The following NXPH1 variants were observed in gnomAD, a reference collection of about 807,000 sequenced individuals.
The protein encoded by NXPH1 is neurexophilin 1, also known as neurexophilin-1.
Under a neutral mutation model 23.7 loss-of-function variants are expected in NXPH1, and 5 were observed. The ratio of observed to expected loss-of-function variants is 0.21; its 90% confidence interval spans 0.11 to 0.44. NXPH1 has a LOEUF of 0.44. Among genes scored for constraint, NXPH1 ranks in the 20% least tolerant of loss-of-function variants. The pLI is 0.99. For synonymous variants in NXPH1, 144 were observed against 122.2 expected (o/e 1.18, Z -1.18); for missense variants, 324 against 321.6 (o/e 1.01, Z -0.06).
chr7:8,523,397 T>C (rs899014260), intron 2 of NXPH1, among the ~76,000 whole-genome samples: 4 of 152,226 alleles, frequency 2.6e-5, no homozygotes, highest in African/African-American at 9.6e-5. Context: ...TTTTCTTCTC[T>C]CATGATTGTA....
intron 2 of NXPH1, among the ~76,000 whole-genome samples, chr7:8,530,519 T>C (rs185184905): frequency 9.1e-4 from 139 of 152,270 alleles, no homozygotes; most frequent in African/African-American, 3.1e-3. Flanking sequence ...TCTTGGAGTA[T>C]AAAAATCAGA....
rs1391516488 is a variant in NXPH1 at position 8,435,434 on chromosome 7, C to A, written c.-110-170C>A. On this transcript the variant is annotated intron_variant, in intron 1 of 2. Transcript: ENST00000405863. This position sits in a 1 kb window ranked among gnomAD's most constrained non-coding sequence, Gnocchi z 5.9. ...CGCCCGCCTCCCCAGCTGCGGACCG[C>A]GCGCTTGCTGGTCTCAGGCGCTGGA... 5.8e-6 allele frequency: 3 copies of A among 517,034 alleles called. No homozygotes were observed. The highest frequency in any genetic ancestry group is 2.2e-5 in the South Asian group (1 of 45,056). The allele number at this position is 517,034 out of a possible 1,614,324, so 32.0% of individuals were successfully genotyped here.
chr7:8,687,577 C>G (rs1821167095), intron 2 of NXPH1, among the ~76,000 whole-genome samples: 1 of 152,064 alleles, frequency 6.6e-6, no homozygotes, highest in African/African-American at 2.4e-5. Flanking sequence ...TGCATGGGTA[C>G]AAAATCAGAA....
intron 2 of NXPH1, among the ~76,000 whole-genome samples, chr7:8,560,895 A>G (rs1257988462): frequency 6.6e-6 from 1 of 151,658 alleles, no homozygotes; most frequent in East Asian, 2.0e-4. Context: ...ACACATTGTT[A>G]TTCATAACAC....
chr7:8,537,748 C>A (rs1818050463), intron 2 of NXPH1, among the ~76,000 whole-genome samples: 1 of 151,950 alleles, frequency 6.6e-6, no homozygotes, highest in Non-Finnish European at 1.5e-5. Flanking sequence ...TCAGCTTCTT[C>A]ATCTGAAAGA....
intron 2 of NXPH1, among the ~76,000 whole-genome samples, chr7:8,443,507 G>T (rs1341287791): frequency 6.6e-6 from 1 of 152,268 alleles, no homozygotes; most frequent in Non-Finnish European, 1.5e-5. Context: ...TTCCCCCGGC[G>T]AGGAACACGG....
intron 2 of NXPH1, among the ~76,000 whole-genome samples, chr7:8,663,918 A>T (rs572846796): frequency 2.6e-5 from 4 of 152,028 alleles, no homozygotes; most frequent in Non-Finnish European, 5.9e-5. Flanking sequence ...TTTTTACTGG[A>T]TTTAGAACGC....
intron 2 of NXPH1, among the ~76,000 whole-genome samples, chr7:8,682,533 A>G (rs912621130): frequency 7.9e-5 from 12 of 152,228 alleles, no homozygotes; most frequent in Non-Finnish European, 1.0e-4. Context: ...TATAAAGGTC[A>G]TACAAATAAG....
intron 2 of NXPH1, among the ~76,000 whole-genome samples, chr7:8,627,244 C>T (rs952572565): frequency 4.3e-4 from 65 of 151,912 alleles, no homozygotes; most frequent in African/African-American, 1.5e-3. Context: ...TGCATGACCT[C>T]GGGCAAGGTA....
At chr7:8,527,375 C>T (rs1346017271) in intron 2 of NXPH1, among the ~76,000 whole-genome samples, 2 of 152,124 alleles carry the variant, frequency 1.3e-5, no homozygotes, top group Admixed American at 6.5e-5. Flanking sequence ...GCTCAGATGG[C>T]CTCTAAATTG....
chr7:8,544,471 C>T (rs1439010816), intron 2 of NXPH1, among the ~76,000 whole-genome samples: 1 of 151,584 alleles, frequency 6.6e-6, no homozygotes, highest in Non-Finnish European at 1.5e-5. Flanking sequence ...TCTTGAAAGA[C>T]TCATAAAGAA....
chr7:8,667,869 T>C (rs1004953379), intron 2 of NXPH1, among the ~76,000 whole-genome samples: 1 of 152,054 alleles, frequency 6.6e-6, no homozygotes, highest in Non-Finnish European at 1.5e-5. Context: ...TATTTATTCC[T>C]TTTCATCCTC....
At chr7:8,450,829 G>A (rs150221938) in intron 2 of NXPH1, among the ~76,000 whole-genome samples, 2,601 of 152,280 alleles carry the variant, frequency 0.017, 41 homozygotes, top group Middle Eastern at 0.068. Flanking sequence ...ACCCATCATT[G>A]GCTCAATAGA....
intron 2 of NXPH1, among the ~76,000 whole-genome samples, chr7:8,609,114 A>C (rs1819562759): frequency 6.6e-6 from 1 of 152,150 alleles, no homozygotes; most frequent in African/African-American, 2.4e-5. Flanking sequence ...TATTGTGTGC[A>C]TAATTCATAT....
chr7:8,448,303 G>C (rs912617045), intron 2 of NXPH1, among the ~76,000 whole-genome samples: 31 of 152,160 alleles, frequency 2.0e-4, no homozygotes, highest in African/African-American at 7.0e-4. Flanking sequence ...AAAGAAAAAA[G>C]TCTTGCTAAC....
intron 2 of NXPH1, among the ~76,000 whole-genome samples, chr7:8,449,632 G>A (rs912941815): frequency 9.9e-5 from 15 of 152,236 alleles, no homozygotes; most frequent in Middle Eastern, 6.8e-3. Context: ...GTGTAAGGTG[G>A]CAAGATTCTA....
At chr7:8,690,833 C>T (rs991017337) in intron 2 of NXPH1, among the ~76,000 whole-genome samples, 1 of 152,200 alleles carries the variant, frequency 6.6e-6, no homozygotes, top group Non-Finnish European at 1.5e-5. Flanking sequence ...CAATAACCTG[C>T]TGCTTCCCTT....
At chr7:8,539,529 C>G (rs2128618264) in intron 2 of NXPH1, among the ~76,000 whole-genome samples, 1 of 151,724 alleles carries the variant, frequency 6.6e-6, no homozygotes, top group South Asian at 2.1e-4. Context: ...GAAATTTTTC[C>G]TTTTAAAATG....
chr7:8,472,038 A>G (rs1387708097), intron 2 of NXPH1, among the ~76,000 whole-genome samples: 4 of 151,896 alleles, frequency 2.6e-5, no homozygotes, highest in Admixed American at 2.6e-4. Flanking sequence ...TATTTATAAT[A>G]TAGTAGCAAT....
Sources: allele counts gnomAD v4.1 joint callset (sites outside exome capture counted in the v4.1 genomes callset), GRCh38; gene constraint gnomAD v4.1.1; non-coding constraint Gnocchi (gnomAD v3.1); transcripts MANE v1.5; gene names NCBI Gene and HGNC (gene_info 2026-07-23, HGNC 2026-07-21).